TRIM49: variants seen among roughly 807,000 people sequenced by gnomAD.
TRIM49 encodes the protein tripartite motif containing 49.
A neutral mutation model predicts 27.4 loss-of-function variants in TRIM49; 5 were observed. That is an observed-to-expected ratio of 0.18 (90% CI 0.10 to 0.38). TRIM49 has a LOEUF of 0.38. TRIM49 is among the 10% of genes least tolerant of loss of function. The pLI is 1.00. For synonymous variants in TRIM49, 69 were observed against 166.0 expected (o/e 0.42, Z 4.49); for missense variants, 188 against 487.5 (o/e 0.39, Z 5.79).
chr11:89,793,336 C>T (rs947862499), downstream of TRIM49, among the ~76,000 whole-genome samples: 6 of 152,144 alleles, frequency 3.9e-5, no homozygotes, highest in Non-Finnish European at 5.9e-5. Flanking sequence ...CCTTCTGAAA[C>T]TATTCCAATC....
At chr11:89,786,159 C>T in the TRIM49 span, 116 of 80,338 alleles carry the variant, frequency 1.4e-3, no homozygotes, top group African/African-American at 7.5e-3. Context: ...GCGTCGAGGG[C>T]GTGGAGAGCG....
chr11:89,777,298 A>G, the TRIM49 span: 10 of 1,546,040 alleles, frequency 6.5e-6, no homozygotes, highest in Admixed American at 1.8e-4. Flanking sequence ...TGAGGCTGAC[A>G]AGAGATTGCT....
downstream of TRIM49, among the ~76,000 whole-genome samples, chr11:89,793,141 C>G (rs1168251814): frequency 6.6e-6 from 1 of 152,062 alleles, no homozygotes; most frequent in African/African-American, 2.4e-5. Context: ...ACTAGAAAAT[C>G]TAGAAGAAAT....
chr11:89,797,329 T>A (rs1044560997), downstream of TRIM49, among the ~76,000 whole-genome samples: 3 of 151,812 alleles, frequency 2.0e-5, no homozygotes, highest in African/African-American at 7.3e-5. Context: ...GTTTGCATAA[T>A]GTTTTTTGAA....
intron 2 of TRIM49, among the ~76,000 whole-genome samples, chr11:89,804,940 C>T (rs1391637041): frequency 6.6e-6 from 1 of 150,950 alleles, no homozygotes; most frequent in Admixed American, 6.6e-5. Context: ...TAGAGAGTCA[C>T]AAAAGCCGGG....
At chr11:89,784,068 G>C in the TRIM49 span, among the ~76,000 whole-genome samples, 1 of 129,778 alleles carries the variant, frequency 7.7e-6, no homozygotes, top group Non-Finnish European at 1.5e-5. Flanking sequence ...GGCACACCAA[G>C]TTGTAAGATA....
chr11:89,794,494 A>T (rs1244941171), downstream of TRIM49, among the ~76,000 whole-genome samples: 1 of 151,646 alleles, frequency 6.6e-6, no homozygotes, highest in African/African-American at 2.4e-5. Flanking sequence ...ACTATACTGC[A>T]AGGCTACAGT....
downstream of TRIM49, among the ~76,000 whole-genome samples, chr11:89,792,682 T>C (rs1187133032): frequency 1.3e-4 from 20 of 152,214 alleles, no homozygotes; most frequent in African/African-American, 4.8e-4. Context: ...AATAAAGATG[T>C]TCTTTGAAAC....
chr11:89,767,573 C>T, the TRIM49 span, among the ~76,000 whole-genome samples: 1 of 124,088 alleles, frequency 8.1e-6, no homozygotes, highest in Non-Finnish European at 1.5e-5. Context: ...GATTCCTTGC[C>T]AGAATTATCT....
chr11:89,777,120 A>C, the TRIM49 span: 1 of 1,550,466 alleles, frequency 6.4e-7, no homozygotes, highest in East Asian at 2.4e-5. Context: ...AAGAAGGCAG[A>C]GCACCAATGC....
Position 89,804,281 on chromosome 11 carries a change from G to GT in TRIM49, c.188dup (p.Asn63LysfsTer27), listed in dbSNP as rs758553217. 6.2e-7 allele frequency: 1 copy of GT among 1,612,128 alleles called. No individual in the cohort carries two copies. On this transcript the variant is annotated frameshift_variant, in exon 3 of 8. Transcript: ENST00000329758. LOFTEE classifies it high-confidence loss of function. ...TCTTCAAATGAATGTTGGTTTTGAGGTTTATCTGCTCGGTTGACTTTGTGC... is the reference window on the plus strand; with the variant it reads ...TCTTCAAATGAATGTTGGTTTTGAGGTTTTATCTGCTCGGTTGACTTTGTGC...
intron 6 of TRIM49, among the ~76,000 whole-genome samples, chr11:89,800,070 G>C (rs1949722674): frequency 6.8e-6 from 1 of 146,832 alleles, no homozygotes; most frequent in African/African-American, 2.6e-5. Context: ...TTAGCTTTAT[G>C]GCCTTGAGAA....
the TRIM49 span, chr11:89,776,935 A>G: frequency 2.6e-6 from 4 of 1,520,728 alleles, no homozygotes; most frequent in Non-Finnish European, 3.5e-6. Flanking sequence ...GCAAATAAAA[A>G]TAAGAGAAAG....
intron 3 of TRIM49, 118 bp from the exon 4 acceptor site, chr11:89,803,911 G>A: frequency 1.2e-6 from 1 of 848,040 alleles, no homozygotes; most frequent in South Asian, 1.8e-5. Flanking sequence ...CTTCATGTTT[G>A]TCAAAGCCCA....
the TRIM49 span, among the ~76,000 whole-genome samples, chr11:89,775,815 T>A: frequency 6.8e-6 from 1 of 147,692 alleles, no homozygotes; most frequent in Non-Finnish European, 1.5e-5. Context: ...ATTTTAGGAG[T>A]TGACGGTCCA....
At chr11:89,768,745 T>A in the TRIM49 span, 1 of 492,678 alleles carries the variant, frequency 2.0e-6, no homozygotes, top group Non-Finnish European at 4.0e-6. Context: ...TTTCCCTTTG[T>A]TGGAAACAAC....
the TRIM49 span, among the ~76,000 whole-genome samples, chr11:89,770,357 T>A: frequency 7.5e-6 from 1 of 132,902 alleles, no homozygotes; most frequent in Non-Finnish European, 1.5e-5. Context: ...CTCCTTTATA[T>A]CAGAAGCTTC....
the TRIM49 span, chr11:89,766,711 C>T: frequency 0.024 from 33,336 of 1,403,892 alleles, 2,292 homozygotes; most frequent in East Asian, 0.16. Flanking sequence ...CTTTCAAAAT[C>T]AAGAAACACA....
At chr11:89,795,627 T>TATC (rs1333999702), downstream of TRIM49, among the ~76,000 whole-genome samples, 2 of 123,232 alleles carry the variant, frequency 1.6e-5, no homozygotes, top group African/African-American at 6.0e-5. Flanking sequence ...CTCAGCAAAC[T>TATC]ATCACAAGGA....
Sources: allele counts gnomAD v4.1 joint callset (sites outside exome capture counted in the v4.1 genomes callset), GRCh38; gene constraint gnomAD v4.1.1; transcripts MANE v1.5; gene names NCBI Gene and HGNC (gene_info 2026-07-23, HGNC 2026-07-21).